Variants in ITGBL1 observed in about 807,000 individuals in gnomAD.
ITGBL1 encodes integrin subunit beta like 1.
Under a neutral mutation model 68.5 loss-of-function variants are expected in ITGBL1, and 51 were observed. The ratio of observed to expected loss-of-function variants is 0.74; its 90% confidence interval spans 0.59 to 0.94. ITGBL1 has a LOEUF of 0.94. ITGBL1 is among the 40% of genes least tolerant of loss of function. The probability of loss-of-function intolerance (pLI) is 0.00; values close to 1 mark genes in which losing one functional copy is unlikely to be tolerated. For missense variants in ITGBL1, 649 were observed against 647.4 expected, an observed-to-expected ratio of 1.00 and a Z score of -0.03; for synonymous variants, 209 against 227.3, an observed-to-expected ratio of 0.92 and a Z score of 0.72.
chr13:101,472,308 TAAC>T (rs2048473110), intron 2 of ITGBL1, among the ~76,000 whole-genome samples: 1 of 152,204 alleles, frequency 6.6e-6, no homozygotes, highest in Non-Finnish European at 1.5e-5. Flanking sequence ...ACAGCAAAGA[TAAC>T]AACCAAACTG....
intron 3 of ITGBL1, among the ~76,000 whole-genome samples, chr13:101,568,792 G>GC (rs764495772): frequency 1.3e-5 from 2 of 152,014 alleles, no homozygotes; most frequent in Non-Finnish European, 2.9e-5. Flanking sequence ...CAGTCTGATT[G>GC]CAACAGATTG....
chr13:101,693,374 G>A (rs1408532457), intron 8 of ITGBL1, among the ~76,000 whole-genome samples: 2 of 152,168 alleles, frequency 1.3e-5, no homozygotes, highest in Non-Finnish European at 2.9e-5. Flanking sequence ...TATAAATGAA[G>A]TGATGTGGAC....
chr13:101,554,355 G>A (rs899525378), intron 2 of ITGBL1, among the ~76,000 whole-genome samples: 1 of 152,178 alleles, frequency 6.6e-6, no homozygotes, highest in Non-Finnish European at 1.5e-5. Flanking sequence ...ATCCTTGGGA[G>A]TAAACTGTTC....
At chr13:101,672,244 G>C (rs2033396787) in intron 7 of ITGBL1, among the ~76,000 whole-genome samples, 1 of 152,142 alleles carries the variant, frequency 6.6e-6, no homozygotes, top group Non-Finnish European at 1.5e-5. Context: ...TAGTTTCTTA[G>C]TTTTTATTAT....
At chr13:101,581,817 AAC>A in intron 5 of ITGBL1, among the ~76,000 whole-genome samples, 1 of 152,354 alleles carries the variant, frequency 6.6e-6, no homozygotes, top group Middle Eastern at 3.4e-3. Context: ...TCTGAATAAT[AAC>A]ACAGATATAA....
chr13:101,626,042 G>T (rs1032028775), intron 7 of ITGBL1, among the ~76,000 whole-genome samples: 1 of 152,098 alleles, frequency 6.6e-6, no homozygotes, highest in Admixed American at 6.5e-5. Context: ...GTAGAACTTC[G>T]ACTCATTGAG....
intron 7 of ITGBL1, among the ~76,000 whole-genome samples, chr13:101,665,582 T>G (rs2033195075): frequency 6.6e-6 from 1 of 152,178 alleles, no homozygotes; most frequent in African/African-American, 2.4e-5. Context: ...CATTTCTTCC[T>G]TTCTGTACTG....
At chr13:101,665,505 A>C (rs1234824963) in intron 7 of ITGBL1, among the ~76,000 whole-genome samples, 1 of 152,172 alleles carries the variant, frequency 6.6e-6, no homozygotes, top group Non-Finnish European at 1.5e-5. Context: ...TTAATTTATT[A>C]ATTGTATGTA....
chr13:101,656,607 G>T (rs1432741286), intron 7 of ITGBL1, among the ~76,000 whole-genome samples: 1 of 152,034 alleles, frequency 6.6e-6, no homozygotes, highest in Non-Finnish European at 1.5e-5. Context: ...AATATCCAGA[G>T]AATATGATGC....
chr13:101,643,989 A>G (rs980472380), intron 7 of ITGBL1, among the ~76,000 whole-genome samples: 1 of 152,160 alleles, frequency 6.6e-6, no homozygotes, highest in Non-Finnish European at 1.5e-5. Flanking sequence ...CTTAGAGCCA[A>G]CATCCAGATT....
At chr13:101,645,758 C>T (rs938369799) in intron 7 of ITGBL1, among the ~76,000 whole-genome samples, 4 of 152,124 alleles carry the variant, frequency 2.6e-5, no homozygotes, top group Non-Finnish European at 4.4e-5. Context: ...TGCCCCGCAA[C>T]TGCCTCACGC....
At chr13:101,484,355 C>T (rs901840929) in intron 2 of ITGBL1, among the ~76,000 whole-genome samples, 17 of 152,122 alleles carry the variant, frequency 1.1e-4, no homozygotes, top group Admixed American at 4.6e-4. Context: ...TTTATTTATC[C>T]TATCAGTGAT....
Position 101,531,109 on chromosome 13 carries a change from A to G in ITGBL1, c.317-36590A>G, listed in dbSNP as rs550529368. ...TAAACTTTCAATAATGGCTAAGTTT[A>G]TGAAATTTAACTGAAATGTGTGTAC... On this transcript the variant is annotated intron_variant, in intron 2 of 10. Coordinates refer to ENST00000376180, the MANE Select transcript of ITGBL1 (RefSeq NM_004791.3). Among the ~76,000 whole-genome samples, 14 of 152,322 alleles carry G rather than the reference A, an allele frequency of 9.2e-5. No homozygotes were observed. In the South Asian group the frequency reaches 2.7e-3, roughly 29 times the overall value.
Position 101,579,295 on chromosome 13 carries a change from A to C in ITGBL1, c.595A>C (p.Lys199Gln), listed in dbSNP as rs1311442796. 6.2e-7 allele frequency: 1 copy of C among 1,613,576 alleles called. No homozygotes were observed. The highest frequency in any genetic ancestry group is 1.3e-5 in the African/African-American group (1 of 74,900). Reference sequence around the variant, plus strand: ...ATTCATTTTGGGTAAAGGCCATGGGAAGTGTTACTGTGGAAACTGCTACTG... The same window carrying C: ...ATTCATTTTGGGTAAAGGCCATGGGCAGTGTTACTGTGGAAACTGCTACTG... ...ETEEICGGHGKCYCGNCYCKA... is the reference protein window; with the variant it reads ...ETEEICGGHGQCYCGNCYCKA... Residue 199 changes from lysine to glutamine, a missense_variant, in exon 5 of 11, where the codon AAG becomes CAG. Coordinates refer to ENST00000376180, the MANE Select transcript of ITGBL1 (RefSeq NM_004791.3).
At chr13:101,608,096 G>C (rs1490013654) in intron 7 of ITGBL1, among the ~76,000 whole-genome samples, 1 of 152,050 alleles carries the variant, frequency 6.6e-6, no homozygotes, top group Non-Finnish European at 1.5e-5. Context: ...GGGGAAGAAT[G>C]ATAGATGGAG....
At position 101,516,668 on chromosome 13, in the gene ITGBL1, AAGCAAGGCAAATTTTCAGGGTT is replaced by A. The variant is rs555079931; in HGVS notation, c.317-51028_317-51007del. Among the ~76,000 whole-genome samples, 13 of 152,310 alleles carry A rather than the reference AAGCAAGGCAAATTTTCAGGGTT, an allele frequency of 8.5e-5. No individual in the cohort carries two copies. In the South Asian group the frequency reaches 2.7e-3, roughly 32 times the overall value. Reference sequence around the variant, plus strand: ...TCCTCTTAGAAGTCTTTGAATTAACAAGCAAGGCAAATTTTCAGGGTTAGATAGATTTTATTCAGGAACATCT... The same window carrying A: ...TCCTCTTAGAAGTCTTTGAATTAACAAGATAGATTTTATTCAGGAACATCT... On this transcript the variant is annotated intron_variant, in intron 2 of 10. Coordinates refer to ENST00000376180, the MANE Select transcript of ITGBL1 (RefSeq NM_004791.3).
At chr13:101,637,138 T>C (rs1303414466) in intron 7 of ITGBL1, among the ~76,000 whole-genome samples, 1 of 152,170 alleles carries the variant, frequency 6.6e-6, no homozygotes, top group African/African-American at 2.4e-5. Context: ...ACAAGTTTGC[T>C]AATGTTCCAT....
At chr13:101,679,540 G>A (rs947133862) in intron 7 of ITGBL1, among the ~76,000 whole-genome samples, 5 of 152,174 alleles carry the variant, frequency 3.3e-5, no homozygotes, top group African/African-American at 1.2e-4. Flanking sequence ...CTTCATGGTG[G>A]ACTACACTGG....
intron 2 of ITGBL1, among the ~76,000 whole-genome samples, chr13:101,534,153 T>A (rs192101626): frequency 6.6e-6 from 1 of 152,252 alleles, no homozygotes; most frequent in East Asian, 1.9e-4. Context: ...AATGTCATTG[T>A]CAACGTTGAA....
Sources: allele counts gnomAD v4.1 joint callset (sites outside exome capture counted in the v4.1 genomes callset), GRCh38; gene constraint gnomAD v4.1.1; transcripts MANE v1.5; gene names NCBI Gene and HGNC (gene_info 2026-07-23, HGNC 2026-07-21).